The following ALPK2 variants were observed in gnomAD, a reference collection of about 807,000 sequenced individuals.
ALPK2 encodes alpha kinase 2.
A neutral mutation model predicts 163.1 loss-of-function variants in ALPK2; 127 were observed. That is an observed-to-expected ratio of 0.78 (90% confidence interval 0.67 to 0.90). The LOEUF (loss-of-function observed/expected upper bound fraction) is 0.90, where lower values mean the gene tolerates loss of function less well. ALPK2 is among the 40% of genes least tolerant of loss of function. The pLI is 0.00. For missense variants in ALPK2, 2,360 were observed against 2,589.6 expected, an observed-to-expected ratio of 0.91 and a Z score of 1.92; for synonymous variants, 953 against 959.1, an observed-to-expected ratio of 0.99 and a Z score of 0.12.
intron 6 of ALPK2, among the ~76,000 whole-genome samples, chr18:58,524,988 T>C (rs904866416): frequency 8.6e-5 from 13 of 151,850 alleles, no homozygotes; most frequent in Non-Finnish European, 1.2e-4. Flanking sequence ...CAGACGTTGT[T>C]CTGGTTTTGT....
At chr18:58,500,042 A>G (rs1416930837) in intron 11 of ALPK2, among the ~76,000 whole-genome samples, 7 of 152,250 alleles carry the variant, frequency 4.6e-5, no homozygotes, top group Admixed American at 2.0e-4. Flanking sequence ...GGTTAGGCAG[A>G]CAGAAGCCAT....
chr18:58,607,901 A>C (rs1186733462), intron 2 of ALPK2, among the ~76,000 whole-genome samples: 1 of 152,234 alleles, frequency 6.6e-6, no homozygotes, highest in Non-Finnish European at 1.5e-5. Context: ...ATAGAAATGC[A>C]AATAATTTCC....
At position 58,535,445 on chromosome 18, in the gene ALPK2, A is replaced by G. The variant is rs757398212; in HGVS notation, c.4742T>C (p.Val1581Ala). 6.2e-7 allele frequency: 1 copy of G among 1,614,218 alleles called. No individual in the cohort carries two copies. Among genetic ancestry groups the G allele is most frequent in the East Asian group, 2.2e-5 (1 of 44,892 alleles). The change falls in exon 5 of 13, where the codon GTG (valine) becomes GCG (alanine). Residue 1581 changes from valine (V) to alanine (A), a missense_variant. Val to Ala is a moderately conservative substitution (Grantham distance 64). Transcript: ENST00000361673. ...DIVEPRKRQY[V>A]FPVSQKRGTI... is the part of the protein sequence containing the mutation. ...TCCCCTTTTCTGTGAAACAGGAAAC[A>G]CATACTGACGCTTTCTGGGCTCAAC...
chr18:58,550,258 G>A (rs1469812316), intron 4 of ALPK2, among the ~76,000 whole-genome samples: 2 of 151,654 alleles, frequency 1.3e-5, no homozygotes, highest in South Asian at 4.2e-4. Context: ...TGGTGTCTAT[G>A]ACATACAACC....
Position 58,579,293 on chromosome 18 carries a change from C to T in ALPK2, c.1483G>A (p.Glu495Lys). 6.2e-7 allele frequency: 1 copy of T among 1,614,216 alleles called. No individual in the cohort carries two copies. Among genetic ancestry groups the T allele is most frequent in the Non-Finnish European group, 8.5e-7 (1 of 1,180,046 alleles). Residue 495 changes from glutamate (E) to lysine (K), a missense_variant, in exon 4 of 13, where the codon GAG becomes AAG. Physicochemically the swap from Glu to Lys is moderately conservative, Grantham distance 56. Coordinates refer to ENST00000361673, the MANE Select transcript of ALPK2 (RefSeq NM_052947.4). ...GACTCACCAGACAAGAGCTTCATCT[C>T]TGTCTCTCTTACTGATTCATCCATG... is the stretch of plus-strand genomic sequence containing the variant. ...LNMDESVRET[E>K]MKLLSGESEN...
In ALPK2 at chr18:58,535,025, C is replaced by G; in HGVS notation, c.5162G>C (p.Gly1721Ala). 6.2e-7 allele frequency: 1 copy of G among 1,614,146 alleles called. No homozygotes were observed. The highest frequency in any genetic ancestry group is 8.5e-7 in the Non-Finnish European group (1 of 1,180,016). Residue 1721 changes from glycine to alanine, a missense_variant, in exon 5 of 13, where the codon GGA becomes GCA. Coordinates refer to ENST00000361673, the MANE Select transcript of ALPK2 (RefSeq NM_052947.4). ...VKRKPEAPGS[G>A]HLAEGVKKKI... ...CTTCTTTACTCCCTCAGCTAAATGT[C>G]CACTGCCTGGGGCTTCTGGCTTCCT... is the stretch of plus-strand genomic sequence containing the variant.
chr18:58,624,589 G>T (rs1435717439), intron 1 of ALPK2, among the ~76,000 whole-genome samples: 1 of 152,106 alleles, frequency 6.6e-6, no homozygotes, highest in Non-Finnish European at 1.5e-5. Context: ...CAAGTGGCTG[G>T]GATTACAGGC....
chr18:58,538,366 C>A lies in ALPK2; in HGVS notation c.1963-142G>T, dbSNP rs558611022. The A allele has an allele frequency of 1.2e-4, 95 of 781,618 alleles. No homozygotes were observed. In the African/African-American group the frequency reaches 1.5e-3, roughly 12 times the overall value. The allele number at this position is 781,618 out of a possible 1,614,324, so 48.4% of individuals were successfully genotyped here. A position where few individuals can be genotyped will look rare whatever the true frequency, so the allele number is the denominator to read the frequency against. On this transcript the variant is annotated intron_variant, in intron 4 of 12. Coordinates refer to ENST00000361673, the MANE Select transcript of ALPK2 (RefSeq NM_052947.4). ...TGAAATCTAAACATTAATCCCCCAA[C>A]TCCCTCTAGCTATTAGAGATTTCCT...
intron 11 of ALPK2, among the ~76,000 whole-genome samples, chr18:58,503,154 G>A (rs939353119): frequency 6.6e-6 from 1 of 152,198 alleles, no homozygotes; most frequent in Non-Finnish European, 1.5e-5. Flanking sequence ...TAGAAGAAAT[G>A]GTATTCCTAA....
intron 4 of ALPK2, among the ~76,000 whole-genome samples, chr18:58,555,846 G>C (rs1270557056): frequency 1.3e-5 from 2 of 152,188 alleles, no homozygotes; most frequent in Admixed American, 6.5e-5. Context: ...TTTTGAGACA[G>C]AGTCTTGCTC....
rs753326150 is a variant in ALPK2 at position 58,536,053 on chromosome 18, T to G, written c.4134A>C (p.Glu1378Asp). Residue 1378 changes from glutamate (E) to aspartate (D), a missense_variant, in exon 5 of 13, where the codon GAA becomes GAC. Glu to Asp is a conservative substitution (Grantham distance 45, BLOSUM62 2). Coordinates refer to ENST00000361673, the MANE Select transcript of ALPK2 (RefSeq NM_052947.4). ...NVNNVSQDQE[E>D]KQLKMDHTAF... is the part of the protein sequence containing the mutation. ...CAGTGTGATCCATCTTGAGTTGTTT[T>G]TCCTCCTGGTCTTGACTCACATTGT... is the stretch of plus-strand genomic sequence containing the variant. The G allele has an allele frequency of 2.5e-6, 4 of 1,614,182 alleles. No individual in the cohort carries two copies. The highest frequency in any genetic ancestry group is 3.4e-6 in the Non-Finnish European group (4 of 1,180,016).
chr18:58,509,799 A>G (rs2051480593), intron 10 of ALPK2, among the ~76,000 whole-genome samples: 1 of 151,010 alleles, frequency 6.6e-6, no homozygotes. Context: ...TTGTCAGATG[A>G]GTAGATTGCA....
chr18:58,537,743 C>T lies in ALPK2; in HGVS notation c.2444G>A (p.Cys815Tyr), dbSNP rs1459001683. ...AACAAGAGAATCTATGGTATCAAAA[C>T]ACGTTCCTTGGTCACCAGCCTCAAA... is the stretch of plus-strand genomic sequence containing the variant. ...ECFEAGDQGTCFDTIDSLVGR... is the reference protein window; with the variant it reads ...ECFEAGDQGTYFDTIDSLVGR... The change falls in exon 5 of 13, where the codon TGT becomes TAT. Residue 815 changes from cysteine (C) to tyrosine (Y), a missense_variant. By Grantham distance (194) the Cys-to-Tyr change is radical. Coordinates refer to ENST00000361673, the MANE Select transcript of ALPK2 (RefSeq NM_052947.4). The T allele has an allele frequency of 9.3e-6, 15 of 1,614,150 alleles. No individual in the cohort carries two copies. The highest frequency in any genetic ancestry group is 1.2e-5 in the Non-Finnish European group (14 of 1,179,992).
At chr18:58,498,265 T>C (rs979774768) in intron 11 of ALPK2, among the ~76,000 whole-genome samples, 168 bp from the exon 12 acceptor site, 7 of 152,130 alleles carry the variant, frequency 4.6e-5, no homozygotes, top group African/African-American at 7.2e-5. Context: ...GCAGGGACCA[T>C]GGGGAAGGTG....
At chr18:58,556,831 C>T (rs907191974) in intron 4 of ALPK2, among the ~76,000 whole-genome samples, 2 of 152,200 alleles carry the variant, frequency 1.3e-5, no homozygotes, top group African/African-American at 2.4e-5. Context: ...GCATCCCTGC[C>T]CCAGGGGAGA....
At chr18:58,569,200 T>C (rs2051872355) in intron 4 of ALPK2, among the ~76,000 whole-genome samples, 1 of 152,094 alleles carries the variant, frequency 6.6e-6, no homozygotes, top group African/African-American at 2.4e-5. Flanking sequence ...AGACCCAGTC[T>C]TGGGGGGGAG....
chr18:58,563,594 T>C (rs939541525), intron 4 of ALPK2, among the ~76,000 whole-genome samples: 9 of 152,196 alleles, frequency 5.9e-5, no homozygotes, highest in Non-Finnish European at 8.8e-5. Context: ...AGATTACTCT[T>C]TCTCTCATGA....
At chr18:58,593,261 G>C (rs1419803957) in intron 3 of ALPK2, among the ~76,000 whole-genome samples, 1 of 152,102 alleles carries the variant, frequency 6.6e-6, no homozygotes, top group African/African-American at 2.4e-5. Flanking sequence ...TAAAATTAAA[G>C]TCTATTTAAA....
At chr18:58,593,983 T>G (rs1166761181) in intron 3 of ALPK2, among the ~76,000 whole-genome samples, 1 of 146,418 alleles carries the variant, frequency 6.8e-6, no homozygotes, top group African/African-American at 2.5e-5. Flanking sequence ...AGCAGCATAA[T>G]GGGGTGAAAC....
Sources: allele counts gnomAD v4.1 joint callset (sites outside exome capture counted in the v4.1 genomes callset), GRCh38; gene constraint gnomAD v4.1.1; transcripts MANE v1.5; gene names NCBI Gene and HGNC (gene_info 2026-07-23, HGNC 2026-07-21).